MACROD2: variants seen among roughly 807,000 people sequenced by gnomAD.
The protein encoded by MACROD2 is mono-ADP ribosylhydrolase 2.
Under a neutral mutation model 70.4 loss-of-function variants are expected in MACROD2, and 36 were observed. That is an observed-to-expected ratio of 0.51 (90% CI 0.39 to 0.68). The LOEUF is 0.68. Among genes scored for constraint, MACROD2 ranks in the 30% least tolerant of loss-of-function variants. The pLI is 0.00. For synonymous variants in MACROD2, 172 were observed against 178.8 expected, an observed-to-expected ratio of 0.96 and a Z score of 0.30; for missense variants, 496 against 538.4, an observed-to-expected ratio of 0.92 and a Z score of 0.78.
intron 8 of MACROD2, among the ~76,000 whole-genome samples, chr20:15,566,422 C>T (rs2048311535): frequency 6.6e-6 from 1 of 151,882 alleles, no homozygotes; most frequent in South Asian, 2.1e-4. Flanking sequence ...AGCTTGAACC[C>T]GGGAGGAGGA....
chr20:14,460,630 AG>A (rs2123014547), intron 3 of MACROD2, among the ~76,000 whole-genome samples: 1 of 152,178 alleles, frequency 6.6e-6, no homozygotes, highest in East Asian at 1.9e-4. Flanking sequence ...TTTAGCATGA[AG>A]GGGTGTTGAA....
intron 8 of MACROD2, among the ~76,000 whole-genome samples, chr20:15,695,054 T>C (rs1356975214): frequency 1.3e-5 from 2 of 152,256 alleles, no homozygotes; most frequent in Non-Finnish European, 2.9e-5. Flanking sequence ...TTATGGGTTC[T>C]CTATTCCGTT....
At chr20:15,497,798 T>C (rs1160571475) in intron 7 of MACROD2, among the ~76,000 whole-genome samples, 2 of 152,204 alleles carry the variant, frequency 1.3e-5, no homozygotes, top group Non-Finnish European at 2.9e-5. Context: ...TAGTCCTCTT[T>C]ATCTGTGTCC....
rs551603611 is a variant in MACROD2 at position 14,136,759 on chromosome 20, T to C, written c.271+51031T>C. Among the ~76,000 whole-genome samples, 26 of 152,308 alleles carry C rather than the reference T, an allele frequency of 1.7e-4. No homozygotes were observed. In the South Asian group the frequency reaches 4.8e-3, roughly 28 times the overall value. ...TATGTACTAGGCACATAATTAATTT[T>C]AAAAACAAATGTCTACCCCAGCAAA... On this transcript the variant is annotated intron_variant, in intron 3 of 17. Coordinates refer to ENST00000684519, the MANE Select transcript of MACROD2 (RefSeq NM_001351661.2).
intron 3 of MACROD2, among the ~76,000 whole-genome samples, chr20:14,493,213 T>C (rs2084814081): frequency 6.6e-6 from 1 of 151,968 alleles, no homozygotes; most frequent in Non-Finnish European, 1.5e-5. Flanking sequence ...TAAAACAGTC[T>C]CAATTTGTGC....
chr20:15,623,596 A>G (rs1222388333), intron 8 of MACROD2, among the ~76,000 whole-genome samples: 4 of 152,194 alleles, frequency 2.6e-5, no homozygotes, highest in Admixed American at 6.5e-5. Context: ...TGGGGACGCT[A>G]TGGGCTTTGC....
intron 5 of MACROD2, among the ~76,000 whole-genome samples, chr20:14,742,436 G>T (rs947599546): frequency 1.4e-4 from 14 of 100,736 alleles, no homozygotes; most frequent in African/African-American, 5.0e-4. Context: ...TATAATAAAG[G>T]TCTGGAAATG....
At chr20:15,129,441 A>G (rs1358074720) in intron 5 of MACROD2, among the ~76,000 whole-genome samples, 1 of 152,134 alleles carries the variant, frequency 6.6e-6, no homozygotes, top group Non-Finnish European at 1.5e-5. Context: ...TTCCTTGCAC[A>G]GATTTACATG....
intron 8 of MACROD2, among the ~76,000 whole-genome samples, chr20:15,666,838 C>T (rs1345167859): frequency 1.3e-5 from 2 of 152,158 alleles, no homozygotes; most frequent in East Asian, 1.9e-4. Flanking sequence ...GAAGCACGCC[C>T]ACCTTTACAG....
At chr20:14,638,385 A>G (rs1440974728) in intron 4 of MACROD2, among the ~76,000 whole-genome samples, 1 of 151,932 alleles carries the variant, frequency 6.6e-6, no homozygotes, top group Non-Finnish European at 1.5e-5. Flanking sequence ...GCTGCTATCT[A>G]GTCTACTTCA....
intron 5 of MACROD2, among the ~76,000 whole-genome samples, chr20:14,828,208 A>G (rs2072923844): frequency 6.6e-6 from 1 of 152,108 alleles, no homozygotes. Flanking sequence ...CATGCATTCT[A>G]AGTATATAGC....
At chr20:14,674,058 ATGT>A (rs1458685665) in intron 4 of MACROD2, among the ~76,000 whole-genome samples, 16 of 152,186 alleles carry the variant, frequency 1.1e-4, no homozygotes, top group African/African-American at 3.9e-4. Flanking sequence ...ATTCCCTAAA[ATGT>A]TGTCAATCTA....
intron 6 of MACROD2, among the ~76,000 whole-genome samples, chr20:15,312,832 T>C (rs983542557): frequency 2.6e-5 from 4 of 152,014 alleles, no homozygotes; most frequent in Non-Finnish European, 5.9e-5. Flanking sequence ...TATGTGTGTG[T>C]ATATATGTGT....
intron 3 of MACROD2, chr20:14,127,502 C>G (rs1043863805): frequency 8.0e-6 from 4 of 496,958 alleles, no homozygotes; most frequent in Non-Finnish European, 1.1e-5. Context: ...CATTGAATAT[C>G]TTAAGCAGCA....
chr20:14,683,501 T>G (rs976236004), intron 4 of MACROD2, among the ~76,000 whole-genome samples: 17 of 152,124 alleles, frequency 1.1e-4, no homozygotes, highest in Admixed American at 3.9e-4. Context: ...TTTTTGTGAG[T>G]GTCTTTGAGG....
At chr20:15,440,345 C>A (rs1192668749) in intron 7 of MACROD2, among the ~76,000 whole-genome samples, 1 of 152,142 alleles carries the variant, frequency 6.6e-6, no homozygotes, top group African/African-American at 2.4e-5. Flanking sequence ...AAGCAGCTCT[C>A]GTGTTTATCC....
intron 3 of MACROD2, among the ~76,000 whole-genome samples, chr20:14,267,113 G>A (rs1263196723): frequency 6.6e-6 from 1 of 152,074 alleles, no homozygotes; most frequent in African/African-American, 2.4e-5. Flanking sequence ...CACTAGAAAG[G>A]ACAAATGATC....
chr20:14,426,175 T>C (rs1299754769), intron 3 of MACROD2, among the ~76,000 whole-genome samples: 2 of 152,190 alleles, frequency 1.3e-5, no homozygotes, highest in African/African-American at 2.4e-5. Flanking sequence ...TTTATCTTTG[T>C]GGAATTTATA....
chr20:14,583,669 A>G (rs1350773875), intron 4 of MACROD2, among the ~76,000 whole-genome samples: 10 of 152,176 alleles, frequency 6.6e-5, no homozygotes, highest in Admixed American at 6.5e-4. Context: ...CAGGAATATT[A>G]AGATCTACCT....
Sources: allele counts gnomAD v4.1 joint callset (sites outside exome capture counted in the v4.1 genomes callset), GRCh38; gene constraint gnomAD v4.1.1; transcripts MANE v1.5; gene names NCBI Gene and HGNC (gene_info 2026-07-23, HGNC 2026-07-21).